MYPOP: variants seen among roughly 807,000 people sequenced by gnomAD.
MYPOP encodes the protein Myb related transcription factor, partner of profilin.
Under a neutral mutation model 25.7 loss-of-function variants are expected in MYPOP, and 21 were observed. The observed-to-expected ratio is 0.82, with a 90% CI of 0.58 to 1.18. The LOEUF is 1.18. Ranked by LOEUF, MYPOP falls within the 50% of genes most tolerant of loss-of-function variation. The pLI, the probability that MYPOP is intolerant of heterozygous loss-of-function variation, is 0.00. For synonymous variants in MYPOP, 280 were observed against 247.9 expected (o/e 1.13, Z -1.22); for missense variants, 566 against 588.3 (o/e 0.96, Z 0.39).
chr19:45,890,201 T>C lies in MYPOP; in HGVS notation c.*422A>G, dbSNP rs990478488. On this transcript the variant is annotated 3_prime_UTR_variant, in exon 3 of 3. Coordinates refer to ENST00000322217, the MANE Select transcript of MYPOP (RefSeq NM_001012643.4). ...GCTATATCCTCTTTGTCATCCGTAT[T>C]TTGATTTGTCTTACAACTCCCACCC... 6.2e-6 allele frequency: 1 copy of C among 161,556 alleles called. No homozygotes were observed. Among genetic ancestry groups the C allele is most frequent in the Non-Finnish European group, 1.3e-5 (1 of 74,128 alleles). 10.0% of individuals were successfully genotyped at this position (161,556 alleles called of 1,614,324 possible).
intron 2 of MYPOP, among the ~76,000 whole-genome samples, chr19:45,899,920 G>T (rs147200156): frequency 6.6e-6 from 1 of 152,120 alleles, no homozygotes. Flanking sequence ...TCTAATTCTG[G>T]CACACTCATT....
chr19:45,891,376 A>C, intron 2 of MYPOP, 53 bp from the exon 3 acceptor site: 1 of 1,409,760 alleles, frequency 7.1e-7, no homozygotes, highest in Non-Finnish European at 9.2e-7. Flanking sequence ...TGCTGCCTTG[A>C]TTTCCCCTTT....
At chr19:45,897,522 G>C (rs1967223324) in intron 2 of MYPOP, among the ~76,000 whole-genome samples, 1 of 152,178 alleles carries the variant, frequency 6.6e-6, no homozygotes, top group African/African-American at 2.4e-5. Context: ...TGCCCACAAG[G>C]CTCACAGGAG....
rs746870001 is a variant in MYPOP at position 45,890,740 on chromosome 19, G to A, written c.1083C>T (p.Ser361=). The A allele has an allele frequency of 1.1e-5, 17 of 1,563,504 alleles. No individual in the cohort carries two copies. Among genetic ancestry groups the A allele is most frequent in the East Asian group, 2.3e-5 (1 of 43,536 alleles). The change falls in exon 3 of 3, where the codon AGC becomes AGT. Residue 361 remains serine, a synonymous_variant. Coordinates refer to ENST00000322217, the MANE Select transcript of MYPOP (RefSeq NM_001012643.4). ...GGGGGGGCCGGGGTGCCCCCTCCTC[G>A]CTCCTTGGGGCAATGATCACTCCCC... ...AARGVIIAPR[S]EEGAPRPPPA... is the part of the protein sequence containing the mutation.
intron 2 of MYPOP, among the ~76,000 whole-genome samples, chr19:45,893,788 AC>A (rs1362918446): frequency 4.2e-5 from 6 of 141,936 alleles, no homozygotes; most frequent in Non-Finnish European, 9.2e-5. Context: ...ATTTTATTTT[AC>A]TTTTTTTTTT....
At chr19:45,895,328 C>T (rs1967187836) in intron 2 of MYPOP, among the ~76,000 whole-genome samples, 4 of 152,136 alleles carry the variant, frequency 2.6e-5, no homozygotes, top group Admixed American at 2.6e-4. Context: ...TCACTACAAC[C>T]TCTGCCTCCT....
chr19:45,901,542 T>G lies in MYPOP; in HGVS notation c.232A>C (p.Lys78Gln). 6.2e-7 allele frequency: 1 copy of G among 1,612,086 alleles called. No individual in the cohort carries two copies. The highest frequency in any genetic ancestry group is 8.5e-7 in the Non-Finnish European group (1 of 1,179,596). ...CGGCGCTTGAAGTCGTTCCAGCGCTTCTGCACCTCCTGGCCCGTGCGCTTC... is the reference window on the plus strand; with the variant it reads ...CGGCGCTTGAAGTCGTTCCAGCGCTGCTGCACCTCCTGGCCCGTGCGCTTC... The part of the protein sequence containing the change: ...SWKRTGQEVQ[K>Q]RWNDFKRRTK... The change falls in exon 2 of 3, where the codon AAG becomes CAG. Residue 78 changes from lysine to glutamine, a missense_variant. Coordinates refer to ENST00000322217, the MANE Select transcript of MYPOP (RefSeq NM_001012643.4). This position sits in a 1 kb window ranked among gnomAD's most constrained non-coding sequence, Gnocchi z 5.7.
intron 2 of MYPOP, among the ~76,000 whole-genome samples, chr19:45,894,933 G>A (rs1018538184): frequency 3.5e-4 from 53 of 151,864 alleles, no homozygotes; most frequent in Admixed American, 1.1e-3. Flanking sequence ...TGGCCAGATG[G>A]TCTCGATCTC....
intron 2 of MYPOP, among the ~76,000 whole-genome samples, chr19:45,899,612 G>C (rs1202604383): frequency 6.6e-6 from 1 of 152,114 alleles, no homozygotes; most frequent in Admixed American, 6.6e-5. Context: ...GGCCGAGGTG[G>C]GTGGATCACC....
At chr19:45,892,230 C>T (rs576425959) in intron 2 of MYPOP, among the ~76,000 whole-genome samples, 3 of 152,120 alleles carry the variant, frequency 2.0e-5, no homozygotes, top group Admixed American at 6.6e-5. Flanking sequence ...CAAGGGCCAA[C>T]ATTTGACGAG....
chr19:45,896,791 A>G (rs1162932338), intron 2 of MYPOP, among the ~76,000 whole-genome samples: 2 of 150,630 alleles, frequency 1.3e-5, no homozygotes, highest in Admixed American at 6.6e-5. Context: ...GCGCCCGGCT[A>G]ATTTTTTGTA....
chr19:45,892,122 T>C (rs1177892416), intron 2 of MYPOP, among the ~76,000 whole-genome samples: 1 of 152,072 alleles, frequency 6.6e-6, no homozygotes, highest in Non-Finnish European at 1.5e-5. Context: ...GGTTTTGCCA[T>C]GTTGGCCAGG....
intron 1 of MYPOP, among the ~76,000 whole-genome samples, chr19:45,902,148 G>A (rs2146384071): frequency 6.8e-6 from 1 of 146,688 alleles, no homozygotes; most frequent in East Asian, 2.1e-4. Flanking sequence ...TGGGGGCACG[G>A]GAGGATAGGA....
At chr19:45,897,068 CTTT>C (rs34935070) in intron 2 of MYPOP, among the ~76,000 whole-genome samples, 3 of 142,868 alleles carry the variant, frequency 2.1e-5, no homozygotes, top group African/African-American at 2.6e-5. Context: ...AGTCCATGGC[CTTT>C]TTTTTTTTTT....
intron 2 of MYPOP, among the ~76,000 whole-genome samples, chr19:45,898,160 G>C (rs1967234180): frequency 6.7e-6 from 1 of 150,046 alleles, no homozygotes; most frequent in African/African-American, 2.5e-5. Flanking sequence ...CCTAACCTCA[G>C]GTGATCCGCC....
At chr19:45,897,618 C>T (rs956847070) in intron 2 of MYPOP, among the ~76,000 whole-genome samples, 3 of 151,966 alleles carry the variant, frequency 2.0e-5, no homozygotes, top group Admixed American at 6.6e-5. Context: ...TGTAGTGGTG[C>T]GATCATGGCT....
chr19:45,892,573 T>C (rs1049202619), intron 2 of MYPOP, among the ~76,000 whole-genome samples: 2 of 152,126 alleles, frequency 1.3e-5, no homozygotes, highest in East Asian at 1.9e-4. Flanking sequence ...ACTCACTTGC[T>C]CGGAGCTGGG....
At chr19:45,898,068 C>A (rs556650332) in intron 2 of MYPOP, among the ~76,000 whole-genome samples, 5 of 149,992 alleles carry the variant, frequency 3.3e-5, no homozygotes, top group Non-Finnish European at 7.4e-5. Context: ...GGACTACAGG[C>A]GTGTGCCACC....
Position 45,890,819 on chromosome 19 carries a change from G to C in MYPOP, c.1004C>G (p.Pro335Arg). 6.8e-7 allele frequency: 1 copy of C among 1,466,416 alleles called. No homozygotes were observed. Among genetic ancestry groups the C allele is most frequent in the Non-Finnish European group, 9.0e-7 (1 of 1,106,240 alleles). The allele number at this position is 1,466,416 out of a possible 1,614,324, so 90.8% of individuals were successfully genotyped here. Residue 335 changes from proline (P) to arginine (R), a missense_variant, in exon 3 of 3, where the codon CCA becomes CGA. Transcript: ENST00000322217. ...PPPAPKVEIT[P>R]EPVSVVAAVV... ...AGCAGCCACCACGGACACGGGCTCT[G>C]GGGTGATCTCCACCTTGGGGGCCGG... is the stretch of plus-strand genomic sequence containing the variant.
Sources: gnomAD v4.1 joint callset for allele counts (sites outside exome capture counted in the v4.1 genomes callset) on GRCh38, gnomAD v4.1.1 for gene constraint, Gnocchi (gnomAD v3.1) non-coding constraint, MANE v1.5 for transcripts, NCBI Gene and HGNC (gene_info 2026-07-23, HGNC 2026-07-21) for gene names.